Variants in CSE1L observed in about 807,000 individuals in gnomAD.
CSE1L encodes the protein chromosome segregation 1 like.
Under a neutral mutation model 120.4 loss-of-function variants are expected in CSE1L, and 24 were observed. The ratio of observed to expected loss-of-function variants is 0.20; its 90% CI spans 0.14 to 0.28. CSE1L has a LOEUF of 0.28. CSE1L is among the 10% of genes least tolerant of loss of function. The pLI is 1.00. For synonymous variants in CSE1L, 402 were observed against 398.3 expected, an observed-to-expected ratio of 1.01 and a Z score of -0.11; for missense variants, 830 against 1,145.2, an observed-to-expected ratio of 0.72 and a Z score of 3.97.
In CSE1L at chr20:49,059,842, T is replaced by C. The variant is rs530306000; in HGVS notation, c.85+1294T>C. ...TTGCAGTGAGTTGAGATTGCGCCAC[T>C]GCACTCCAGCCTGGGTGACAGAGCG... On this transcript the variant is annotated intron_variant, in intron 2 of 24. Coordinates refer to ENST00000262982, the MANE Select transcript of CSE1L (RefSeq NM_001316.4). Among the ~76,000 whole-genome samples, 106 of 151,898 alleles carry C rather than the reference T, an allele frequency of 7.0e-4. 3 individuals are homozygous for C. The highest frequency in any genetic ancestry group is 6.8e-3 in the Middle Eastern group (2 of 294).
chr20:49,078,854 G>A (rs2024959), intron 14 of CSE1L, among the ~76,000 whole-genome samples: 59,647 of 152,024 alleles, frequency 0.39, 11,802 homozygotes, highest in Middle Eastern at 0.51. Flanking sequence ...ACAGTTGATT[G>A]TGTCTTAAGT....
Position 49,075,524 on chromosome 20 carries a change from A to T in CSE1L, c.1335+4A>T. 5 of 1,612,416 alleles carry T rather than the reference A, an allele frequency of 3.1e-6. No homozygotes were observed. The highest frequency in any genetic ancestry group is 4.2e-6 in the Non-Finnish European group (5 of 1,178,492). On this transcript the variant is annotated splice_donor_region_variant and intron_variant, in intron 12 of 24. Transcript: ENST00000262982. ...ATCAAAAGCCCAAACACAGAAGGTA[A>T]ATATTTTTAATGTGGTTTTGTTTCT...
At chr20:49,067,322 A>T in intron 6 of CSE1L, 42 bp downstream of exon 6, 1 of 1,278,858 alleles carries the variant, frequency 7.8e-7, no homozygotes, top group Non-Finnish European at 1.1e-6. Context: ...TTAATATTTT[A>T]AATTGCTTGA....
chr20:49,064,389 T>TG (rs2091875463), intron 3 of CSE1L, among the ~76,000 whole-genome samples: 1 of 152,246 alleles, frequency 6.6e-6, no homozygotes, highest in South Asian at 2.1e-4. Flanking sequence ...GCCTGTATGA[T>TG]TTCTCAAGTA....
chr20:49,083,365 A>C (rs2092029259), intron 14 of CSE1L, among the ~76,000 whole-genome samples: 1 of 152,156 alleles, frequency 6.6e-6, no homozygotes, highest in African/African-American at 2.4e-5. Context: ...AAAGCGATCC[A>C]GCTACCTCAG....
chr20:49,086,234 C>G (rs1031337142), intron 16 of CSE1L, among the ~76,000 whole-genome samples: 6 of 152,112 alleles, frequency 3.9e-5, no homozygotes, highest in African/African-American at 1.4e-4. Context: ...TTCAGAGAAA[C>G]TCCCTGATCT....
intron 12 of CSE1L, 124 bp downstream of exon 12, chr20:49,075,644 T>G: frequency 1.3e-6 from 1 of 774,096 alleles, no homozygotes; most frequent in East Asian, 2.7e-5. Flanking sequence ...TGATTAAGAT[T>G]TATATAATCT....
At chr20:49,068,934 G>GT in intron 7 of CSE1L, 112 bp downstream of exon 7, 1 of 739,332 alleles carries the variant, frequency 1.4e-6, no homozygotes, top group Non-Finnish European at 2.2e-6. Context: ...GAAAGAAAAG[G>GT]TTTTTTCTGA....
chr20:49,073,584 C>G (rs1219084052), intron 10 of CSE1L, among the ~76,000 whole-genome samples: 1 of 152,096 alleles, frequency 6.6e-6, no homozygotes. Context: ...TTCCCAGGCT[C>G]AAGTCATTGT....
rs1449400448 is a variant in CSE1L at position 49,094,257 on chromosome 20, A to G, written c.2565A>G (p.Pro855=). ...CCAAATTACTAACAGAATGTCCCCC[A>G]ATGATGGACACTGAGTATACCAAAC... ...GITKLLTECP[P]MMDTEYTKLW... The change falls in exon 23 of 25, where the codon CCA becomes CCG. Residue 855 remains proline (P), a synonymous_variant. Transcript: ENST00000262982. 4 of 1,613,232 alleles carry G rather than the reference A, an allele frequency of 2.5e-6. No individual in the cohort carries two copies. Among genetic ancestry groups the G allele is most frequent in the Middle Eastern group, 1.7e-4 (1 of 6,056 alleles).
intron 10 of CSE1L, 62 bp downstream of exon 10, chr20:49,072,759 T>C (rs963860737): frequency 2.9e-5 from 42 of 1,442,406 alleles, no homozygotes; most frequent in South Asian, 8.2e-5. Context: ...TTTTGTAACA[T>C]ATTCAGTCTA....
chr20:49,090,894 A>G, intron 20 of CSE1L, 43 bp from the exon 21 acceptor site: 1 of 1,598,014 alleles, frequency 6.3e-7, no homozygotes, highest in Non-Finnish European at 8.6e-7. Flanking sequence ...AGGTGCTCAG[A>G]AAAGTCCTAA....
chr20:49,066,875 A>T (rs756334537), intron 5 of CSE1L, among the ~76,000 whole-genome samples: 1 of 151,384 alleles, frequency 6.6e-6, no homozygotes, highest in African/African-American at 2.4e-5. Context: ...CTAAAAATAC[A>T]AAAAAAACTA....
intron 1 of CSE1L, among the ~76,000 whole-genome samples, chr20:49,050,152 A>C (rs1157824814): frequency 6.6e-6 from 1 of 151,934 alleles, no homozygotes; most frequent in African/African-American, 2.4e-5. Flanking sequence ...CTAGCATCTC[A>C]ACTTAATCAT....
At chr20:49,067,409 T>C (rs548268596) in intron 6 of CSE1L, 129 bp downstream of exon 6, 2 of 579,524 alleles carry the variant, frequency 3.5e-6, no homozygotes, top group East Asian at 6.2e-5. Context: ...TTTTGAAAAA[T>C]TTCAAACCTA....
Position 49,068,698 on chromosome 20 carries a change from C to A in CSE1L, c.568-17C>A. The A allele has an allele frequency of 6.4e-7, 1 of 1,572,298 alleles. No individual in the cohort carries two copies. Among genetic ancestry groups the A allele is most frequent in the Non-Finnish European group, 8.8e-7 (1 of 1,142,154 alleles). ...TTTATGATGCACTAAAACCATGTTG[C>A]TAAATTCCTTTCCAAGGCCACTATT... On this transcript the variant is annotated splice_polypyrimidine_tract_variant and intron_variant, in intron 6 of 24. Coordinates refer to ENST00000262982, the MANE Select transcript of CSE1L (RefSeq NM_001316.4).
intron 2 of CSE1L, among the ~76,000 whole-genome samples, chr20:49,061,122 A>G (rs1568766317): frequency 6.6e-6 from 1 of 151,958 alleles, no homozygotes; most frequent in African/African-American, 2.4e-5. Flanking sequence ...CTAATCTTTA[A>G]TCTTCTTAGA....
chr20:49,087,332 C>G (rs1245745451), intron 16 of CSE1L, among the ~76,000 whole-genome samples: 1 of 145,148 alleles, frequency 6.9e-6, no homozygotes, highest in Non-Finnish European at 1.5e-5. Context: ...TTTTCTGATG[C>G]TGGTTTCTTT....
chr20:49,052,788 CTG>C (rs1164149692), intron 1 of CSE1L, among the ~76,000 whole-genome samples: 1 of 152,122 alleles, frequency 6.6e-6, no homozygotes, highest in Admixed American at 6.6e-5. Flanking sequence ...CAGGGTCTTG[CTG>C]TGTTAGCCCA....
Sources: gnomAD v4.1 joint callset for allele counts (sites outside exome capture counted in the v4.1 genomes callset) on GRCh38, gnomAD v4.1.1 for gene constraint, MANE v1.5 for transcripts, NCBI Gene and HGNC (gene_info 2026-07-23, HGNC 2026-07-21) for gene names.